Variants in SRGAP3 observed in about 807,000 individuals in gnomAD.
SRGAP3 encodes the protein SLIT-ROBO Rho GTPase activating protein 3.
SRGAP3 carries 39 observed loss-of-function variants against 121.1 expected under a neutral mutation model. The ratio of observed to expected loss-of-function variants is 0.32; its 90% confidence interval spans 0.25 to 0.42. The LOEUF (loss-of-function observed/expected upper bound fraction) is 0.42. Among genes scored for constraint, SRGAP3 ranks in the 10% least tolerant of loss-of-function variants. The probability of loss-of-function intolerance (pLI) is 1.00; values close to 1 mark genes in which losing one functional copy is unlikely to be tolerated. For missense variants in SRGAP3, 1,213 were observed against 1,470.6 expected, an observed-to-expected ratio of 0.82 and a Z score of 2.86; for synonymous variants, 601 against 570.0, an observed-to-expected ratio of 1.05 and a Z score of -0.77.
At chr3:9,247,689 C>G (rs1953872044) in intron 1 of SRGAP3, among the ~76,000 whole-genome samples, 2 of 152,178 alleles carry the variant, frequency 1.3e-5, no homozygotes, top group Admixed American at 6.5e-5. Context: ...TGCTCAACAG[C>G]CTGTGCATAA....
chr3:9,012,224 C>G (rs573234920), intron 17 of SRGAP3, among the ~76,000 whole-genome samples: 3 of 152,176 alleles, frequency 2.0e-5, no homozygotes, highest in African/African-American at 7.2e-5. Context: ...CAAATATGCT[C>G]ACAGTACTAA....
chr3:9,287,269 G>T (rs956798154), intron 3 of SRGAP3, among the ~76,000 whole-genome samples: 6 of 152,068 alleles, frequency 3.9e-5, no homozygotes, highest in Non-Finnish European at 5.9e-5. Flanking sequence ...TGGGATGACA[G>T]GCGTGAACCA....
At chr3:9,180,822 C>G (rs573506782) in intron 1 of SRGAP3, among the ~76,000 whole-genome samples, 46 of 152,194 alleles carry the variant, frequency 3.0e-4, no homozygotes, top group African/African-American at 1.0e-3. Flanking sequence ...AGGCACCCGC[C>G]AGCACCTCCT....
intron 4 of SRGAP3, among the ~76,000 whole-genome samples, chr3:9,074,187 C>G (rs1297499734): frequency 6.6e-6 from 1 of 152,192 alleles, no homozygotes; most frequent in Non-Finnish European, 1.5e-5. Context: ...AGGGCTCTGG[C>G]TGGCCCAGTG....
intron 1 of SRGAP3, among the ~76,000 whole-genome samples, chr3:9,236,900 C>T (rs1953431248): frequency 6.6e-6 from 1 of 152,246 alleles, no homozygotes; most frequent in South Asian, 2.1e-4. Context: ...TTTCATAAAA[C>T]TATGAAACTA....
intron 1 of SRGAP3, among the ~76,000 whole-genome samples, chr3:9,145,163 T>C (rs1444839623): frequency 6.6e-6 from 1 of 152,204 alleles, no homozygotes; most frequent in African/African-American, 2.4e-5. Flanking sequence ...TGGCGTGATC[T>C]TGGCTCACTG....
intron 5 of SRGAP3, among the ~76,000 whole-genome samples, chr3:9,061,570 A>AT (rs992691659): frequency 3.9e-5 from 6 of 151,970 alleles, no homozygotes; most frequent in African/African-American, 1.4e-4. Flanking sequence ...CTGAAACTGT[A>AT]TTTTTTTCTA....
chr3:9,178,521 T>C (rs962640736), intron 1 of SRGAP3, among the ~76,000 whole-genome samples: 36 of 152,234 alleles, frequency 2.4e-4, no homozygotes, highest in African/African-American at 8.7e-4. Flanking sequence ...AATTGTGTTT[T>C]TGACACTTGC....
chr3:9,008,149 A>G (rs1042213027), intron 18 of SRGAP3: 1 of 152,286 alleles, frequency 6.6e-6, no homozygotes, highest in Admixed American at 6.5e-5. Flanking sequence ...TGACTCATGC[A>G]TTCTGGGGGC....
At chr3:9,345,229 A>G (rs537280159) in intron 1 of SRGAP3, among the ~76,000 whole-genome samples, 107 of 152,090 alleles carry the variant, frequency 7.0e-4, no homozygotes, top group Non-Finnish European at 1.3e-3. Context: ...GATGGCTCAC[A>G]CATGTAATCT....
intron 3 of SRGAP3, among the ~76,000 whole-genome samples, chr3:9,302,974 A>G (rs939013585): frequency 5.7e-4 from 87 of 152,204 alleles, no homozygotes; most frequent in Non-Finnish European, 1.1e-3. Flanking sequence ...CTTTTGAAAT[A>G]GTAAATGGTT....
At chr3:9,236,251 C>G (rs1953405754) in intron 1 of SRGAP3, 1 of 176,348 alleles carries the variant, frequency 5.7e-6, no homozygotes, top group South Asian at 2.0e-4. Flanking sequence ...GATCCTTCTT[C>G]TATAAGAGTT....
intron 3 of SRGAP3, among the ~76,000 whole-genome samples, chr3:9,302,234 G>A (rs535758305): frequency 9.3e-4 from 142 of 152,146 alleles, no homozygotes; most frequent in Middle Eastern, 3.2e-3. Context: ...TTGACTCCAG[G>A]GGCCCTGGCC....
chr3:9,226,005 C>G (rs994676871), intron 1 of SRGAP3, among the ~76,000 whole-genome samples: 1 of 152,218 alleles, frequency 6.6e-6, no homozygotes, highest in Non-Finnish European at 1.5e-5. Flanking sequence ...CCAAATAAAA[C>G]ACACCTGAGG....
intron 3 of SRGAP3, among the ~76,000 whole-genome samples, chr3:9,089,733 G>T (rs973384897): frequency 6.6e-6 from 1 of 152,152 alleles, no homozygotes; most frequent in Non-Finnish European, 1.5e-5. Flanking sequence ...ATGAGATGTT[G>T]GTGGAACAGG....
intron 11 of SRGAP3, chr3:9,033,463 G>A (rs6786009): frequency 0.45 from 68,053 of 150,462 alleles, 15,448 homozygotes; most frequent in East Asian, 0.69. Context: ...TTGCCCTGTC[G>A]CCCAGGCTGG....
At chr3:9,001,637 A>G (rs2124983356) in intron 18 of SRGAP3, among the ~76,000 whole-genome samples, 1 of 152,346 alleles carries the variant, frequency 6.6e-6, no homozygotes, top group African/African-American at 2.4e-5. Context: ...AAATGCAGAG[A>G]TTAACAGACT....
chr3:9,313,733 G>A (rs745600680), intron 3 of SRGAP3, among the ~76,000 whole-genome samples: 3 of 150,168 alleles, frequency 2.0e-5, no homozygotes, highest in Non-Finnish European at 3.0e-5. Context: ...GGTGGCTCAC[G>A]CCTGTAATCC....
At chr3:9,008,024 A>C (rs56104556) in intron 18 of SRGAP3, 32,208 of 152,150 alleles carry the variant, frequency 0.21, 3,565 homozygotes, top group Non-Finnish European at 0.25. Context: ...GCTCTCCCAG[A>C]CTGTGGCTTC....
Sources: gnomAD v4.1 joint callset for allele counts (sites outside exome capture counted in the v4.1 genomes callset) on GRCh38, gnomAD v4.1.1 for gene constraint, MANE v1.5 for transcripts, NCBI Gene and HGNC (gene_info 2026-07-23, HGNC 2026-07-21) for gene names.